SRPK2: variants seen among roughly 807,000 people sequenced by gnomAD.
The protein encoded by SRPK2 is SFRS protein kinase 2.
SRPK2 carries 21 observed loss-of-function variants against 90.8 expected under a neutral mutation model. The ratio of observed to expected loss-of-function variants is 0.23; its 90% confidence interval spans 0.16 to 0.33. The LOEUF is 0.33. SRPK2 is among the 10% of genes least tolerant of loss of function. SRPK2 has a pLI of 1.00. For missense variants in SRPK2, 620 were observed against 869.0 expected, an observed-to-expected ratio of 0.71 and a Z score of 3.60; for synonymous variants, 288 against 311.1, an observed-to-expected ratio of 0.93 and a Z score of 0.78.
At chr7:105,219,994 A>G (rs968928639) in intron 2 of SRPK2, among the ~76,000 whole-genome samples, 14 of 152,220 alleles carry the variant, frequency 9.2e-5, no homozygotes, top group Admixed American at 5.9e-4. Context: ...CCTGACTTAG[A>G]GCCATGTAAG....
intron 2 of SRPK2, among the ~76,000 whole-genome samples, chr7:105,242,651 A>T (rs933350696): frequency 6.6e-6 from 1 of 152,254 alleles, no homozygotes. Flanking sequence ...GTGCATGCAC[A>T]CATGTCTAAT....
chr7:105,208,541 G>A (rs1211425330), intron 2 of SRPK2, among the ~76,000 whole-genome samples: 3 of 152,238 alleles, frequency 2.0e-5, no homozygotes, highest in East Asian at 1.9e-4. Context: ...AGAAAAGACC[G>A]CAGGTTGTAT....
chr7:105,335,175 A>G (rs1042883943), intron 2 of SRPK2, among the ~76,000 whole-genome samples: 1 of 152,186 alleles, frequency 6.6e-6, no homozygotes, highest in African/African-American at 2.4e-5. Flanking sequence ...CCGTCTCAAA[A>G]AATAAATAAA....
intron 2 of SRPK2, among the ~76,000 whole-genome samples, chr7:105,285,765 T>A (rs922311714): frequency 3.9e-5 from 6 of 152,218 alleles, no homozygotes; most frequent in African/African-American, 1.4e-4. Context: ...GCCTTCACCA[T>A]GATTGTAAGG....
At chr7:105,379,780 C>T (rs1388773495) in intron 2 of SRPK2, among the ~76,000 whole-genome samples, 1 of 152,084 alleles carries the variant, frequency 6.6e-6, no homozygotes, top group East Asian at 1.9e-4. Flanking sequence ...AGATCGAGAC[C>T]AGCCCGGCCA....
intron 3 of SRPK2, among the ~76,000 whole-genome samples, chr7:105,196,267 T>C (rs1012151274): frequency 2.6e-5 from 4 of 152,206 alleles, no homozygotes; most frequent in African/African-American, 7.2e-5. Context: ...ATGAAAAGCA[T>C]AGTGAATTAA....
At chr7:105,207,766 A>G (rs1239211028) in intron 2 of SRPK2, among the ~76,000 whole-genome samples, 18 of 152,260 alleles carry the variant, frequency 1.2e-4, no homozygotes, top group Admixed American at 1.1e-3. Flanking sequence ...TAAATGTGAC[A>G]TTAAAAGCAT....
chr7:105,288,818 C>T (rs575941074), intron 2 of SRPK2, among the ~76,000 whole-genome samples: 1 of 152,150 alleles, frequency 6.6e-6, no homozygotes, highest in East Asian at 1.9e-4. Flanking sequence ...AGGAGGAAGA[C>T]ATGTGCTAAA....
chr7:105,210,786 G>A (rs1796758984), intron 2 of SRPK2, among the ~76,000 whole-genome samples: 2 of 152,212 alleles, frequency 1.3e-5, no homozygotes, highest in African/African-American at 2.4e-5. Flanking sequence ...TCAAAGAAGT[G>A]GAAGCGGAGC....
rs117241692 is a variant in SRPK2 at position 105,221,975 on chromosome 7, T to A, written c.72-18190A>T. Among the ~76,000 whole-genome samples, 175 of 152,336 alleles carry A rather than the reference T, an allele frequency of 1.1e-3. 3 individuals are homozygous for A. In the East Asian group the frequency reaches 0.026, roughly 23 times the overall value. On this transcript the variant is annotated intron_variant, in intron 2 of 15. Transcript: ENST00000393651. ...ATATAATTTGAGATCCCTCTTTTCA[T>A]AAACATCTTCTCCTATCATTAAAAA...
intron 1 of SRPK2, among the ~76,000 whole-genome samples, chr7:105,396,114 C>T (rs953564486): frequency 1.3e-5 from 2 of 151,568 alleles, no homozygotes; most frequent in African/African-American, 4.8e-5. Flanking sequence ...GGGGTTTCTC[C>T]GTGTTGGACA....
chr7:105,255,163 T>A (rs1413501751), intron 2 of SRPK2, among the ~76,000 whole-genome samples: 4 of 91,130 alleles, frequency 4.4e-5, no homozygotes, highest in Non-Finnish European at 1.2e-4. Context: ...AAAATGATAA[T>A]TAAGTTAGAG....
At chr7:105,211,654 C>A (rs1161148571) in intron 2 of SRPK2, among the ~76,000 whole-genome samples, 1 of 152,126 alleles carries the variant, frequency 6.6e-6, no homozygotes, top group African/African-American at 2.4e-5. Context: ...TGGAAATCTA[C>A]CCCCATGATC....
intron 13 of SRPK2, among the ~76,000 whole-genome samples, chr7:105,127,311 C>T (rs1367692287): frequency 6.6e-6 from 1 of 152,194 alleles, no homozygotes; most frequent in East Asian, 1.9e-4. Flanking sequence ...AAAACCAAAA[C>T]GTCAGTGAGT....
At chr7:105,320,624 T>C (rs1425244476) in intron 2 of SRPK2, among the ~76,000 whole-genome samples, 2 of 152,194 alleles carry the variant, frequency 1.3e-5, no homozygotes, top group Non-Finnish European at 2.9e-5. Context: ...GTTATAGTTA[T>C]AAAGCTAATT....
At chr7:105,324,643 T>C (rs1333441942) in intron 2 of SRPK2, among the ~76,000 whole-genome samples, 2 of 152,124 alleles carry the variant, frequency 1.3e-5, no homozygotes, top group East Asian at 1.9e-4. Flanking sequence ...CCCCAGCACT[T>C]TGGGAGTCCG....
intron 2 of SRPK2, among the ~76,000 whole-genome samples, chr7:105,249,110 A>G (rs1802136114): frequency 6.6e-6 from 1 of 152,146 alleles, no homozygotes; most frequent in African/African-American, 2.4e-5. Flanking sequence ...AAAAGACATG[A>G]AGAGCACATC....
At chr7:105,395,406 G>A (rs556808478) in intron 1 of SRPK2, among the ~76,000 whole-genome samples, 1 of 151,326 alleles carries the variant, frequency 6.6e-6, no homozygotes, top group African/African-American at 2.4e-5. Context: ...GTTCAAGAAG[G>A]CCTCACCGAG....
chr7:105,354,089 G>A (rs896405368), intron 2 of SRPK2, among the ~76,000 whole-genome samples: 3 of 152,112 alleles, frequency 2.0e-5, no homozygotes, highest in African/African-American at 7.2e-5. Context: ...TCGAGGAGCA[G>A]CCAGTATGTA....
Sources: allele counts gnomAD v4.1 joint callset (sites outside exome capture counted in the v4.1 genomes callset), GRCh38; gene constraint gnomAD v4.1.1; transcripts MANE v1.5; gene names NCBI Gene and HGNC (gene_info 2026-07-23, HGNC 2026-07-21).